Variants in WWP2 observed in about 807,000 individuals in gnomAD.
WWP2 encodes WW domain containing E3 ubiquitin protein ligase 2, also known as NEDD4-like E3 ubiquitin-protein ligase WWP2.
WWP2 carries 57 observed loss-of-function variants against 121.0 expected under a neutral mutation model. The ratio of observed to expected loss-of-function variants is 0.47; its 90% CI spans 0.38 to 0.59. The LOEUF (loss-of-function observed/expected upper bound fraction) is 0.59. Ranked by LOEUF, WWP2 falls within the 20% of genes least tolerant of loss-of-function variation. The pLI is 0.00. For missense variants in WWP2, 962 were observed against 1,158.9 expected, an observed-to-expected ratio of 0.83 and a Z score of 2.47; for synonymous variants, 449 against 441.3, an observed-to-expected ratio of 1.02 and a Z score of -0.22.
In WWP2 at chr16:69,841,628, G is replaced by C. The variant is rs1597035741; in HGVS notation, c.479-396G>C. On this transcript the variant is annotated intron_variant, in intron 5 of 23. Transcript: ENST00000359154. ...GACTATGATGATCTGATTTGGCTTTGTAAAAGCTCTCTGGGTGTATTATGG... is the reference window on the plus strand; with the variant it reads ...GACTATGATGATCTGATTTGGCTTTCTAAAAGCTCTCTGGGTGTATTATGG... Among the ~76,000 whole-genome samples the C allele has an allele frequency of 2.0e-5, 3 of 152,182 alleles. No homozygotes were observed. The South Asian group carries it at 6.2e-4, about 31-fold the overall frequency.
chr16:69,855,671 T>G (rs571105629), intron 6 of WWP2, among the ~76,000 whole-genome samples: 15 of 152,286 alleles, frequency 9.8e-5, no homozygotes, highest in African/African-American at 3.6e-4. Flanking sequence ...ACCATGAGGA[T>G]ATCTGGGGAA....
chr16:69,911,996 G>A (rs1010498175), intron 9 of WWP2, among the ~76,000 whole-genome samples: 4 of 152,124 alleles, frequency 2.6e-5, no homozygotes, highest in African/African-American at 9.7e-5. Flanking sequence ...TGTGGAATGA[G>A]ATTAAAACCT....
At chr16:69,777,704 A>G (rs2055565915) in intron 1 of WWP2, among the ~76,000 whole-genome samples, 1 of 151,818 alleles carries the variant, frequency 6.6e-6, no homozygotes, top group African/African-American at 2.4e-5. Flanking sequence ...ATGCTTGTCA[A>G]GATTTATGTA....
intron 7 of WWP2, among the ~76,000 whole-genome samples, chr16:69,881,169 A>G (rs748804597): frequency 1.3e-5 from 2 of 152,116 alleles, no homozygotes; most frequent in Non-Finnish European, 2.9e-5. Context: ...CCTCCTTGGT[A>G]CCCCACTTTC....
At chr16:69,891,134 A>C (rs1410420195) in intron 8 of WWP2, among the ~76,000 whole-genome samples, 2 of 152,158 alleles carry the variant, frequency 1.3e-5, no homozygotes, top group Admixed American at 6.5e-5. Context: ...AGTGTCTAAG[A>C]GGGAGCATGG....
At position 69,888,268 on chromosome 16, in the gene WWP2, C is replaced by G. The variant is rs901644056; in HGVS notation, c.914+19C>G. 6.2e-7 allele frequency: 1 copy of G among 1,608,352 alleles called. No individual in the cohort carries two copies. Among genetic ancestry groups the G allele is most frequent in the Non-Finnish European group, 8.5e-7 (1 of 1,176,970 alleles). On this transcript the variant is annotated intron_variant, in intron 8 of 23. Coordinates refer to ENST00000359154, the MANE Select transcript of WWP2 (RefSeq NM_001270454.2). ...CTGCTGGGTGAGTAGTCTTCTGTCC[C>G]ATAACAGATCTCTCCTCCTCAAAGA...
chr16:69,906,630 A>G (rs1286634370), intron 8 of WWP2, among the ~76,000 whole-genome samples: 2 of 152,336 alleles, frequency 1.3e-5, no homozygotes, highest in African/African-American at 4.8e-5. Flanking sequence ...TTGGTTTGTG[A>G]TACCAGCACT....
intron 6 of WWP2, among the ~76,000 whole-genome samples, chr16:69,856,990 G>A (rs1234371936): frequency 6.6e-6 from 1 of 152,064 alleles, no homozygotes; most frequent in Admixed American, 6.5e-5. Flanking sequence ...ATTTTAAACT[G>A]TCACAGTTCA....
chr16:69,765,408 G>A (rs1168671994), intron 1 of WWP2, among the ~76,000 whole-genome samples: 1 of 152,128 alleles, frequency 6.6e-6, no homozygotes, highest in Non-Finnish European at 1.5e-5. Flanking sequence ...AGCAGTACAA[G>A]AAAGGTAAGG....
chr16:69,902,478 A>G (rs2058220300), intron 8 of WWP2, among the ~76,000 whole-genome samples: 1 of 152,118 alleles, frequency 6.6e-6, no homozygotes, highest in African/African-American at 2.4e-5. Context: ...ATCCAACCAA[A>G]TGTTACTCAT....
intron 7 of WWP2, among the ~76,000 whole-genome samples, chr16:69,886,403 T>TA (rs1395103537): frequency 6.6e-6 from 1 of 151,530 alleles, no homozygotes; most frequent in Non-Finnish European, 1.5e-5. Context: ...GCTTTGGAGA[T>TA]AGAGATGGGG....
chr16:69,840,981 G>T (rs763102130), intron 5 of WWP2, among the ~76,000 whole-genome samples: 16 of 152,314 alleles, frequency 1.1e-4, no homozygotes, highest in Non-Finnish European at 1.9e-4. Context: ...GGCCGGATGG[G>T]CCTTGACTGT....
chr16:69,797,075 C>T (rs557934189), intron 2 of WWP2, among the ~76,000 whole-genome samples: 35 of 152,236 alleles, frequency 2.3e-4, no homozygotes, highest in African/African-American at 7.2e-4. Context: ...GGATGGGAGA[C>T]GTCTAGATGT....
In WWP2 at chr16:69,833,830, G is replaced by T. The variant is rs572882158; in HGVS notation, c.341-6296G>T. Among the ~76,000 whole-genome samples the T allele has an allele frequency of 3.4e-4, 52 of 152,232 alleles. No individual in the cohort carries two copies. In the Middle Eastern group the frequency reaches 0.014, roughly 40 times the overall value. Reference sequence around the variant, plus strand: ...GGCACTGTTTGCAGCCCCTGCCTGTGACTTGCCCAAAGCTTTGATTCCAAG... The same window carrying T: ...GGCACTGTTTGCAGCCCCTGCCTGTTACTTGCCCAAAGCTTTGATTCCAAG... On this transcript the variant is annotated intron_variant, in intron 4 of 23. Coordinates refer to ENST00000359154, the MANE Select transcript of WWP2 (RefSeq NM_001270454.2).
intron 8 of WWP2, among the ~76,000 whole-genome samples, chr16:69,894,569 G>A (rs1179273074): frequency 1.3e-5 from 2 of 152,102 alleles, no homozygotes; most frequent in Admixed American, 6.5e-5. Flanking sequence ...ATTAACTAGC[G>A]TGAAAGAAGC....
chr16:69,931,929 CT>C, intron 16 of WWP2, 39 bp downstream of exon 16: 1 of 1,569,448 alleles, frequency 6.4e-7, no homozygotes, highest in Non-Finnish European at 8.7e-7. Context: ...CTGTACCCCG[CT>C]TCCCCAGGCT....
intron 5 of WWP2, 99 bp from the exon 6 acceptor site, chr16:69,841,925 C>G: frequency 8.0e-7 from 1 of 1,249,282 alleles, no homozygotes; most frequent in Non-Finnish European, 1.1e-6. Flanking sequence ...GTGGGCAACT[C>G]TAACACACAG....
chr16:69,939,301 C>T (rs766058922), intron 22 of WWP2, 40 bp from the exon 23 acceptor site: 12 of 1,612,032 alleles, frequency 7.4e-6, no homozygotes, highest in Admixed American at 3.3e-5. Flanking sequence ...TGGGAAGGGA[C>T]GTCTCTGCTG....
chr16:69,794,609 A>G (rs1305394588), intron 2 of WWP2, among the ~76,000 whole-genome samples: 4 of 152,210 alleles, frequency 2.6e-5, no homozygotes, highest in Non-Finnish European at 5.9e-5. Flanking sequence ...GACAGCCTAG[A>G]AATCAGAAGT....
Sources: allele counts gnomAD v4.1 joint callset (sites outside exome capture counted in the v4.1 genomes callset), GRCh38; gene constraint gnomAD v4.1.1; transcripts MANE v1.5; gene names NCBI Gene and HGNC (gene_info 2026-07-23, HGNC 2026-07-21).